The following ASTN2 variants were observed in gnomAD, a reference collection of about 807,000 sequenced individuals.
The protein encoded by ASTN2 is astrotactin-2.
Under a neutral mutation model 139.8 loss-of-function variants are expected in ASTN2, and 54 were observed. The observed-to-expected ratio is 0.39, with a 90% CI of 0.31 to 0.48. The LOEUF (loss-of-function observed/expected upper bound fraction) is 0.48, where lower values mean the gene tolerates loss of function less well. Among genes scored for constraint, ASTN2 ranks in the 20% least tolerant of loss-of-function variants. The probability of loss-of-function intolerance (pLI) is 0.95; values close to 1 mark genes in which losing one functional copy is unlikely to be tolerated. For missense variants in ASTN2, 1,565 were observed against 1,725.1 expected (o/e 0.91, Z 1.64); for synonymous variants, 756 against 719.5 (o/e 1.05, Z -0.81).
rs764957636 is a variant in ASTN2 at position 116,698,003 on chromosome 9, T to C, written c.2806+27768A>G. 6.2e-7 allele frequency: 1 copy of C among 1,614,178 alleles called. No homozygotes were observed. The highest frequency in any genetic ancestry group is 8.5e-7 in the Non-Finnish European group (1 of 1,180,040). ...ATCTGACAGTGCTAAAGATCATTGA[T>C]ACAGCTGGGCTCAGCGAGGCTGTGG... On this transcript the variant is annotated intron_variant, in intron 16 of 22. Transcript: ENST00000313400. This position sits in a 1 kb window ranked among gnomAD's most constrained non-coding sequence, Gnocchi z 4.4.
chr9:117,207,437 C>T (rs1304984454), intron 3 of ASTN2, among the ~76,000 whole-genome samples: 1 of 152,134 alleles, frequency 6.6e-6, no homozygotes, highest in Non-Finnish European at 1.5e-5. Flanking sequence ...GTGGGTTGTC[C>T]CCCTCAGACA....
At chr9:117,292,777 C>G (rs1002090172) in intron 1 of ASTN2, among the ~76,000 whole-genome samples, 2 of 152,088 alleles carry the variant, frequency 1.3e-5, no homozygotes, top group Non-Finnish European at 2.9e-5. Flanking sequence ...AATCAGCTCT[C>G]TCCATGTCCC....
chr9:116,528,763 T>G lies in ASTN2; in HGVS notation c.3356-41263A>C, dbSNP rs569635207. Among the ~76,000 whole-genome samples, 27 of 152,258 alleles carry G rather than the reference T, an allele frequency of 1.8e-4. No homozygotes were observed. The South Asian group carries it at 4.4e-3, about 25-fold the overall frequency. On this transcript the variant is annotated intron_variant, in intron 19 of 22. Transcript: ENST00000313400. ...ACATGGCACCCTGCATTCCAGACGT[T>G]CCAGCTCCAGTCATGGCTAAAAGGG...
chr9:116,845,359 T>G (rs1363018007), intron 11 of ASTN2, among the ~76,000 whole-genome samples: 1 of 152,152 alleles, frequency 6.6e-6, no homozygotes, highest in Non-Finnish European at 1.5e-5. Context: ...GACCTCGTGA[T>G]CCGCCCGCCT....
At chr9:116,841,167 G>T (rs772968114) in intron 11 of ASTN2, among the ~76,000 whole-genome samples, 7 of 152,240 alleles carry the variant, frequency 4.6e-5, no homozygotes, top group African/African-American at 1.2e-4. Context: ...TCGCGGTTAG[G>T]AGCTGGAGAC....
At chr9:116,835,724 C>T (rs1220572148) in intron 11 of ASTN2, among the ~76,000 whole-genome samples, 1 of 152,178 alleles carries the variant, frequency 6.6e-6, no homozygotes, top group East Asian at 1.9e-4. Flanking sequence ...GCCGTGGTCA[C>T]TCATATTTGG....
intron 19 of ASTN2, among the ~76,000 whole-genome samples, chr9:116,510,915 G>A (rs1850347402): frequency 6.6e-6 from 1 of 152,034 alleles, no homozygotes; most frequent in Admixed American, 6.6e-5. Context: ...GAGACAATGG[G>A]GTTTTCTAGA....
intron 7 of ASTN2, among the ~76,000 whole-genome samples, chr9:116,998,277 C>G (rs189266141): frequency 2.7e-4 from 41 of 152,236 alleles, no homozygotes; most frequent in Admixed American, 1.3e-3. Flanking sequence ...AGTTGAGGCT[C>G]TCTGGACTCA....
At chr9:117,256,846 C>T (rs770178170) in intron 2 of ASTN2, among the ~76,000 whole-genome samples, 5 of 152,076 alleles carry the variant, frequency 3.3e-5, no homozygotes, top group African/African-American at 1.2e-4. Context: ...GACAGAGGAC[C>T]CACTATTTTC....
chr9:117,097,304 G>T (rs1828864414), intron 4 of ASTN2, among the ~76,000 whole-genome samples: 1 of 152,138 alleles, frequency 6.6e-6, no homozygotes, highest in African/African-American at 2.4e-5. Context: ...AAGGCTAAAA[G>T]CAATTATGCC....
intron 16 of ASTN2, among the ~76,000 whole-genome samples, chr9:116,683,386 A>G (rs911495729): frequency 6.6e-6 from 1 of 152,220 alleles, no homozygotes. Context: ...ATTGTTATAT[A>G]AAAGTGTTGT....
At chr9:116,533,980 C>T (rs1268008115) in intron 19 of ASTN2, among the ~76,000 whole-genome samples, 1 of 152,160 alleles carries the variant, frequency 6.6e-6, no homozygotes, top group Non-Finnish European at 1.5e-5. Flanking sequence ...GGCTGTGAAT[C>T]CATCTGGTCC....
chr9:116,888,353 G>A (rs1833671353), intron 10 of ASTN2, among the ~76,000 whole-genome samples: 2 of 152,196 alleles, frequency 1.3e-5, no homozygotes, highest in Admixed American at 6.5e-5. Flanking sequence ...CATACAGGCA[G>A]TGACAACATA....
chr9:117,411,669 G>A (rs1831165085), intron 1 of ASTN2, among the ~76,000 whole-genome samples: 1 of 152,094 alleles, frequency 6.6e-6, no homozygotes, highest in Non-Finnish European at 1.5e-5. Context: ...ACCAGGGATG[G>A]TTTACCACCA....
At chr9:117,057,770 G>C (rs1839104273) in intron 5 of ASTN2, among the ~76,000 whole-genome samples, 1 of 152,160 alleles carries the variant, frequency 6.6e-6, no homozygotes. Flanking sequence ...CTCGAGGCAA[G>C]AAAAAGTGCC....
intron 3 of ASTN2, among the ~76,000 whole-genome samples, chr9:117,143,162 G>A (rs1830114104): frequency 6.6e-6 from 1 of 152,130 alleles, no homozygotes; most frequent in African/African-American, 2.4e-5. Context: ...TGATTGCTAA[G>A]GTAAAAAGAC....
At chr9:116,820,541 G>A in intron 12 of ASTN2, 76 bp downstream of exon 12, 20 of 1,530,322 alleles carry the variant, frequency 1.3e-5, no homozygotes, top group Non-Finnish European at 1.8e-5. Context: ...TTGCTGAGCT[G>A]TAGTGTCTGA....
chr9:116,670,851 T>G (rs551548681), intron 16 of ASTN2, among the ~76,000 whole-genome samples: 1 of 152,172 alleles, frequency 6.6e-6, no homozygotes, highest in Non-Finnish European at 1.5e-5. Context: ...TTTCTGACCT[T>G]TGACTATCCA....
chr9:116,749,450 C>G (rs180704436), intron 13 of ASTN2, among the ~76,000 whole-genome samples: 11 of 152,132 alleles, frequency 7.2e-5, no homozygotes, highest in African/African-American at 2.7e-4. Context: ...GAATCCTTCC[C>G]GCCCGCCACT....
Sources: gnomAD v4.1 joint callset for allele counts (sites outside exome capture counted in the v4.1 genomes callset) on GRCh38, gnomAD v4.1.1 for gene constraint, Gnocchi (gnomAD v3.1) non-coding constraint, MANE v1.5 for transcripts, NCBI Gene and HGNC (gene_info 2026-07-23, HGNC 2026-07-21) for gene names.